Variants in CNTN6 observed in about 807,000 individuals in gnomAD.
CNTN6 encodes contactin 6.
CNTN6 carries 137 observed loss-of-function variants against 122.8 expected under a neutral mutation model. The observed-to-expected ratio is 1.12, with a 90% CI of 0.97 to 1.29. CNTN6 has a LOEUF of 1.29. Ranked by LOEUF, CNTN6 falls within the 50% of genes most tolerant of loss-of-function variation. CNTN6 has a pLI of 0.00. For missense variants in CNTN6, 1,634 were observed against 1,223.4 expected (o/e 1.34, Z -5.01); for synonymous variants, 570 against 426.0 (o/e 1.34, Z -4.16).
At chr3:1,122,336 G>A (rs996129028) in intron 1 of CNTN6, among the ~76,000 whole-genome samples, 3 of 149,304 alleles carry the variant, frequency 2.0e-5, no homozygotes, top group Admixed American at 6.7e-5. Flanking sequence ...AGAAGGGAGG[G>A]CGAGAGAGAG....
At chr3:1,196,716 T>C (rs541750364) in intron 2 of CNTN6, among the ~76,000 whole-genome samples, 1 of 152,342 alleles carries the variant, frequency 6.6e-6, no homozygotes, top group Non-Finnish European at 1.5e-5. Flanking sequence ...GATGGGTTTA[T>C]AGGAAATTTA....
intron 2 of CNTN6, among the ~76,000 whole-genome samples, chr3:1,165,760 G>C (rs2093233635): frequency 6.6e-6 from 1 of 152,166 alleles, no homozygotes; most frequent in African/African-American, 2.4e-5. Flanking sequence ...AAGAGGTTAA[G>C]TGACTTACTC....
At chr3:1,186,403 A>T (rs984141752) in intron 2 of CNTN6, among the ~76,000 whole-genome samples, 16 of 152,110 alleles carry the variant, frequency 1.1e-4, no homozygotes, top group African/African-American at 3.9e-4. Flanking sequence ...AGAGAAAATG[A>T]CCTGTTTCCC....
At chr3:1,106,061 C>T (rs1263951151) in intron 1 of CNTN6, among the ~76,000 whole-genome samples, 1 of 151,966 alleles carries the variant, frequency 6.6e-6, no homozygotes, top group Non-Finnish European at 1.5e-5. Flanking sequence ...GTATTTGAGA[C>T]CTGTGTTTTG....
chr3:1,306,633 AG>A (rs1445662994), intron 7 of CNTN6, among the ~76,000 whole-genome samples: 2 of 141,522 alleles, frequency 1.4e-5, no homozygotes, highest in Admixed American at 1.5e-4. Flanking sequence ...TGTATAAGGA[AG>A]GCAAAAATGA....
At position 1,268,773 on chromosome 3, in the gene CNTN6, G is replaced by A. The variant is rs1056311547; in HGVS notation, c.359-9640G>A. 3.2e-4 allele frequency among the ~76,000 whole-genome samples: 48 copies of A among 151,964 alleles called. 1 individual carries two copies. Among genetic ancestry groups the A allele is most frequent in the Middle Eastern group, 3.4e-3 (1 of 292 alleles). On this transcript the variant is annotated intron_variant, in intron 4 of 22. Coordinates refer to ENST00000446702, the MANE Select transcript of CNTN6 (RefSeq NM_001289080.2). The stretch of plus-strand genomic sequence containing the variant: ...CCTGACTCAGTCTTCAAGAAAATAT[G>A]TCTCGTTACATCATCCGACACTGAG...
At chr3:1,213,375 T>C (rs1177225110) in intron 2 of CNTN6, among the ~76,000 whole-genome samples, 1 of 152,120 alleles carries the variant, frequency 6.6e-6, no homozygotes, top group Non-Finnish European at 1.5e-5. Flanking sequence ...AAAGAGATTT[T>C]ATGGAGATCT....
intron 1 of CNTN6, among the ~76,000 whole-genome samples, chr3:1,134,250 C>T (rs1218944250): frequency 1.3e-5 from 2 of 152,160 alleles, no homozygotes; most frequent in Non-Finnish European, 2.9e-5. Context: ...ACTGAGTTGC[C>T]TGCTCTCCCA....
rs1053279186 is a variant in CNTN6 at position 1,402,528 on chromosome 3, A to G, written c.2986+42A>G. ...TTGCTGTAGTAGATTCTGAACCTAG[A>G]CAGCTGCAGCATGAAATTCAGCTCC... On this transcript the variant is annotated intron_variant, in intron 22 of 22. Transcript: ENST00000446702. 2.0e-6 allele frequency: 3 copies of G among 1,515,596 alleles called. No homozygotes were observed. The African/African-American group carries it at 4.1e-5, about 21-fold the overall frequency. 93.9% of individuals were successfully genotyped at this position (1,515,596 alleles called of 1,614,324 possible).
Position 1,402,320 on chromosome 3 carries a change from T to C in CNTN6, c.2820T>C (p.Ile940=). ...ENESEVLGYK[I]LYRQNRQSKT... is the part of the protein sequence containing the mutation. The stretch of plus-strand genomic sequence containing the variant: ...ACTTGATACCTCATTTTATTCAGAT[T>C]CTGTACCGGCAAAACAGACAGAGTA... Residue 940 remains isoleucine (I), a splice_region_variant and synonymous_variant, in exon 22 of 23, where the codon ATT becomes ATC. Transcript: ENST00000446702. 2 of 1,606,460 alleles carry C rather than the reference T, an allele frequency of 1.2e-6. No individual in the cohort carries two copies. The highest frequency in any genetic ancestry group is 1.1e-5 in the South Asian group (1 of 90,528).
intron 2 of CNTN6, among the ~76,000 whole-genome samples, chr3:1,175,951 G>C (rs1279588296): frequency 2.6e-5 from 4 of 152,194 alleles, no homozygotes; most frequent in Non-Finnish European, 5.9e-5. Context: ...TGGTTCACTG[G>C]TTGTGGCATT....
intron 5 of CNTN6, among the ~76,000 whole-genome samples, chr3:1,288,265 T>G (rs1390262209): frequency 1.3e-5 from 2 of 152,154 alleles, no homozygotes; most frequent in African/African-American, 4.8e-5. Flanking sequence ...TCAGAAGGGA[T>G]CCAATAAAAT....
chr3:1,297,830 T>C, intron 6 of CNTN6, 59 bp from the exon 7 acceptor site: 1 of 1,347,844 alleles, frequency 7.4e-7, no homozygotes, highest in Non-Finnish European at 1.1e-6. Flanking sequence ...ATGAAGCATT[T>C]ACTTCATAGA....
intron 11 of CNTN6, among the ~76,000 whole-genome samples, chr3:1,331,007 G>A (rs1273257095): frequency 6.6e-6 from 1 of 151,816 alleles, no homozygotes; most frequent in Non-Finnish European, 1.5e-5. Context: ...GTAGCCATAG[G>A]ATGAATGAAG....
intron 11 of CNTN6, among the ~76,000 whole-genome samples, chr3:1,343,272 G>C (rs1421790345): frequency 6.6e-6 from 1 of 152,020 alleles, no homozygotes; most frequent in Non-Finnish European, 1.5e-5. Flanking sequence ...GTTAATTTTA[G>C]GAAGTCAAAA....
intron 11 of CNTN6, among the ~76,000 whole-genome samples, chr3:1,335,799 T>A (rs750757408): frequency 2.0e-5 from 3 of 152,022 alleles, no homozygotes; most frequent in Non-Finnish European, 4.4e-5. Context: ...GAGGCCAAGG[T>A]AGAAGGACTG....
chr3:1,252,846 C>A (rs566634721), intron 4 of CNTN6, among the ~76,000 whole-genome samples: 100 of 152,250 alleles, frequency 6.6e-4, no homozygotes, highest in Non-Finnish European at 1.1e-3. Context: ...TCTCCGAGAA[C>A]CTTCAGGCTG....
chr3:1,343,653 T>C (rs1233849796), intron 11 of CNTN6, among the ~76,000 whole-genome samples: 1 of 152,076 alleles, frequency 6.6e-6, no homozygotes, highest in Non-Finnish European at 1.5e-5. Flanking sequence ...TTGGAGAATA[T>C]AAACAAATAA....
chr3:1,311,279 ATATT>A (rs1248701992), intron 7 of CNTN6, among the ~76,000 whole-genome samples: 2 of 145,902 alleles, frequency 1.4e-5, no homozygotes, highest in Non-Finnish European at 3.0e-5. Flanking sequence ...ATATACATAC[ATATT>A]TATATATACA....
Sources: gnomAD v4.1 joint callset for allele counts (sites outside exome capture counted in the v4.1 genomes callset) on GRCh38, gnomAD v4.1.1 for gene constraint, MANE v1.5 for transcripts, NCBI Gene and HGNC (gene_info 2026-07-23, HGNC 2026-07-21) for gene names.